Variants in CCDC85C observed in about 807,000 individuals in gnomAD.
CCDC85C encodes coiled-coil domain containing 85C, also known as coiled-coil domain-containing protein 85C.
Under a neutral mutation model 38.3 loss-of-function variants are expected in CCDC85C, and 18 were observed. The observed-to-expected ratio is 0.47, with a 90% CI of 0.33 to 0.70. The LOEUF is 0.70. Among genes scored for constraint, CCDC85C ranks in the 30% least tolerant of loss-of-function variants. The pLI, the probability that CCDC85C is intolerant of heterozygous loss-of-function variation, is 0.03. For missense variants in CCDC85C, 566 were observed against 621.2 expected (o/e 0.91, Z 0.94); for synonymous variants, 264 against 293.8 (o/e 0.90, Z 1.04).
intron 1 of CCDC85C, among the ~76,000 whole-genome samples, chr14:99,600,642 C>T (rs891009681): frequency 6.6e-6 from 1 of 152,192 alleles, no homozygotes; most frequent in Non-Finnish European, 1.5e-5. Context: ...CAGCCACCTT[C>T]CCAGACAAGG....
intron 1 of CCDC85C, among the ~76,000 whole-genome samples, chr14:99,539,864 T>C (rs1897676935): frequency 1.3e-5 from 2 of 152,158 alleles, no homozygotes; most frequent in South Asian, 2.1e-4. Context: ...AAAAAAAGAA[T>C]GGCCGGGCGC....
In CCDC85C at chr14:99,576,977, G is replaced by A. The variant is rs372056079; in HGVS notation, c.793+26190C>T. ...GCCTGGGGGCACGGTGGACACCAGCGAATGCCCATGCCCAGGACCCCTGCC... is the reference window on the plus strand; with the variant it reads ...GCCTGGGGGCACGGTGGACACCAGCAAATGCCCATGCCCAGGACCCCTGCC... On this transcript the variant is annotated intron_variant, in intron 1 of 5. Transcript: ENST00000380243. The surrounding 1 kb of genome is among the most constrained non-coding windows in gnomAD (Gnocchi z 4.8). 4.6e-5 allele frequency among the ~76,000 whole-genome samples: 7 copies of A among 151,898 alleles called. No homozygotes were observed. Among genetic ancestry groups the A allele is most frequent in the South Asian group, 2.1e-4 (1 of 4,818 alleles).
intron 1 of CCDC85C, among the ~76,000 whole-genome samples, chr14:99,540,156 G>T (rs1055508831): frequency 1.7e-4 from 9 of 53,676 alleles, no homozygotes; most frequent in Admixed American, 3.6e-4. Flanking sequence ...AAAAAAAAAG[G>T]GGGGGGAACG....
intron 1 of CCDC85C, among the ~76,000 whole-genome samples, chr14:99,581,802 G>T (rs549777877): frequency 6.6e-6 from 1 of 152,186 alleles, no homozygotes. Flanking sequence ...ATTTTAAACC[G>T]TGCCATCTTC....
At chr14:99,527,624 G>T (rs1273328445) in intron 2 of CCDC85C, among the ~76,000 whole-genome samples, 2 of 152,146 alleles carry the variant, frequency 1.3e-5, no homozygotes, top group Admixed American at 1.3e-4. Context: ...TGCAGCCCAG[G>T]GTGCCTGGCA....
chr14:99,585,714 T>C (rs1351764470), intron 1 of CCDC85C, among the ~76,000 whole-genome samples: 2 of 152,174 alleles, frequency 1.3e-5, no homozygotes, highest in Non-Finnish European at 2.9e-5. Context: ...CACGGGTGGA[T>C]GCACGACTAG....
chr14:99,522,443 C>T (rs1299463598), intron 2 of CCDC85C: 1 of 515,264 alleles, frequency 1.9e-6, no homozygotes, highest in Non-Finnish European at 3.5e-6. Flanking sequence ...TGTCAGCGAT[C>T]CACTCTCCAA....
chr14:99,587,740 A>G (rs1727130734), intron 1 of CCDC85C, among the ~76,000 whole-genome samples: 1 of 152,092 alleles, frequency 6.6e-6, no homozygotes, highest in African/African-American at 2.4e-5. Context: ...GAACCCCCGT[A>G]CAGTCATGCG....
intron 1 of CCDC85C, among the ~76,000 whole-genome samples, chr14:99,597,399 T>C (rs1042206668): frequency 1.3e-5 from 2 of 152,174 alleles, no homozygotes; most frequent in Non-Finnish European, 2.9e-5. Context: ...CCAGTTGTAA[T>C]GTGGGGCGTG....
chr14:99,550,337 G>A (rs1302273446), intron 1 of CCDC85C, among the ~76,000 whole-genome samples: 1 of 152,208 alleles, frequency 6.6e-6, no homozygotes, highest in Non-Finnish European at 1.5e-5. Context: ...CCACGGTGGG[G>A]TGGCCACTGT....
rs556299718 is a variant in CCDC85C at position 99,581,992 on chromosome 14, AG to A, written c.793+21174del. Among the ~76,000 whole-genome samples the A allele has an allele frequency of 4.6e-5, 7 of 152,250 alleles. No individual in the cohort carries two copies. The South Asian group carries it at 1.2e-3, about 27-fold the overall frequency. ...ACATCAGAGCATGCCCCGTTTCCCC[AG>A]GGGGAAACCGAGGCTCAGGAAGCTG... On this transcript the variant is annotated intron_variant, in intron 1 of 5. Transcript: ENST00000380243.
rs1195505794 is a variant in CCDC85C at position 99,572,084 on chromosome 14, C to G, written c.793+31083G>C. Among the ~76,000 whole-genome samples the G allele has an allele frequency of 6.6e-6, 1 of 152,196 alleles. No individual in the cohort carries two copies. Among genetic ancestry groups the G allele is most frequent in the African/African-American group, 2.4e-5 (1 of 41,444 alleles). On this transcript the variant is annotated intron_variant, in intron 1 of 5. Transcript: ENST00000380243. This position sits in a 1 kb window ranked among gnomAD's most constrained non-coding sequence, Gnocchi z 4.4. ...CCCAGAGCCCCCAACCCTAACCCAGCACCCGCAAGTCTCTGGAAGGCAGCG... is the reference window on the plus strand; with the variant it reads ...CCCAGAGCCCCCAACCCTAACCCAGGACCCGCAAGTCTCTGGAAGGCAGCG...
chr14:99,559,694 C>T (rs564665255), intron 1 of CCDC85C, among the ~76,000 whole-genome samples: 15 of 152,292 alleles, frequency 9.8e-5, no homozygotes, highest in African/African-American at 3.1e-4. Context: ...GTCTAGCAGC[C>T]GAGGAGCTGT....
chr14:99,561,121 A>AT (rs1898108733), intron 1 of CCDC85C, among the ~76,000 whole-genome samples: 1 of 152,166 alleles, frequency 6.6e-6, no homozygotes, highest in South Asian at 2.1e-4. Context: ...CACTACGTGC[A>AT]TGGGGGGGTG....
At position 99,510,091 on chromosome 14, in the gene CCDC85C, C is replaced by T; in HGVS notation, c.*5155G>A. 1.3e-6 allele frequency: 2 copies of T among 1,493,064 alleles called. No homozygotes were observed. Among genetic ancestry groups the T allele is most frequent in the South Asian group, 2.6e-5 (2 of 76,980 alleles). The allele number at this position is 1,493,064 out of a possible 1,614,324, so 92.5% of individuals were successfully genotyped here. A position where few individuals can be genotyped will look rare whatever the true frequency, so the allele number is the denominator to read the frequency against. Reference sequence around the variant, plus strand: ...CTCTGTAAAGATGGCCCTGAAGGGCCAGGAGGCACTGAAAAAGCAACCATT... The same window carrying T: ...CTCTGTAAAGATGGCCCTGAAGGGCTAGGAGGCACTGAAAAAGCAACCATT... On this transcript the variant is annotated 3_prime_UTR_variant, in exon 6 of 6. Transcript: ENST00000380243.
At chr14:99,573,014 C>T (rs984516025) in intron 1 of CCDC85C, 11 of 360,570 alleles carry the variant, frequency 3.1e-5, no homozygotes, top group African/African-American at 1.7e-4. Flanking sequence ...CCGCAGGAGA[C>T]GCCACACATA....
At chr14:99,584,879 A>G (rs114467279) in intron 1 of CCDC85C, among the ~76,000 whole-genome samples, 2,618 of 152,244 alleles carry the variant, frequency 0.017, 76 homozygotes, top group African/African-American at 0.059. Context: ...GCTTGAGCTC[A>G]AGAGTTTGAG....
chr14:99,596,348 G>A (rs1290610820), intron 1 of CCDC85C, among the ~76,000 whole-genome samples: 1 of 152,198 alleles, frequency 6.6e-6, no homozygotes, highest in Non-Finnish European at 1.5e-5. Flanking sequence ...CTGCCGTTGA[G>A]GAATCAGGAA....
Position 99,572,999 on chromosome 14 carries a change from G to A in CCDC85C, c.793+30168C>T. On this transcript the variant is annotated intron_variant, in intron 1 of 5. Coordinates refer to ENST00000380243, the MANE Select transcript of CCDC85C (RefSeq NM_001144995.2). The surrounding 1 kb of genome is among the most constrained non-coding windows in gnomAD (Gnocchi z 4.4). Reference sequence around the variant, plus strand: ...GCAGCCTCAGAGCAGAAGGCACCCTGGTGACCGCAGGAGACGCCACACATA... The same window carrying A: ...GCAGCCTCAGAGCAGAAGGCACCCTAGTGACCGCAGGAGACGCCACACATA... 5.4e-6 allele frequency: 2 copies of A among 367,814 alleles called. No homozygotes were observed. The highest frequency in any genetic ancestry group is 4.1e-5 in the South Asian group (2 of 49,286). The allele number at this position is 367,814 out of a possible 1,614,324, so 22.8% of individuals were successfully genotyped here.
Sources: allele counts gnomAD v4.1 joint callset (sites outside exome capture counted in the v4.1 genomes callset), GRCh38; gene constraint gnomAD v4.1.1; non-coding constraint Gnocchi (gnomAD v3.1); transcripts MANE v1.5; gene names NCBI Gene and HGNC (gene_info 2026-07-23, HGNC 2026-07-21).